Variants in FAM168B observed in about 807,000 individuals in gnomAD.
The protein encoded by FAM168B is myelin-associated neurite-outgrowth inhibitor.
In FAM168B, 19 loss-of-function variants were observed where a neutral mutation model predicts 21.8. The ratio of observed to expected loss-of-function variants is 0.87; its 90% confidence interval spans 0.61 to 1.28. The LOEUF (loss-of-function observed/expected upper bound fraction) is 1.28. Ranked by LOEUF, FAM168B falls within the 50% of genes most tolerant of loss-of-function variation. The pLI is 0.00. For missense variants in FAM168B, 233 were observed against 263.1 expected, an observed-to-expected ratio of 0.89 and a Z score of 0.79; for synonymous variants, 126 against 104.8, an observed-to-expected ratio of 1.20 and a Z score of -1.24.
rs1427799625 is a variant in FAM168B at position 131,093,416 on chromosome 2, G to C, written c.-214C>G. On this transcript the variant is annotated 5_prime_UTR_variant, in exon 1 of 7. Coordinates refer to ENST00000389915, the MANE Select transcript of FAM168B (RefSeq NM_001009993.4). ...GCTTGGCCCGGCCCGCCTCTCCGCA[G>C]CCCGCGCTCCCCGCCGACGCTGCGC... 6.6e-6 allele frequency: 1 copy of C among 151,102 alleles called. No individual in the cohort carries two copies. The highest frequency in any genetic ancestry group is 1.5e-5 in the Non-Finnish European group (1 of 67,692). 9.4% of individuals were successfully genotyped at this position (151,102 alleles called of 1,614,324 possible).
intron 3 of FAM168B, among the ~76,000 whole-genome samples, chr2:131,065,807 G>GAAAAAAA (rs796177546): frequency 6.3e-5 from 6 of 94,850 alleles, no homozygotes; most frequent in African/African-American, 1.1e-4. Flanking sequence ...AAGAAAAAAA[G>GAAAAAAA]AAAAAAAAAA....
intron 2 of FAM168B, among the ~76,000 whole-genome samples, chr2:131,080,522 G>A (rs1178845835): frequency 1.3e-5 from 2 of 151,442 alleles, no homozygotes; most frequent in African/African-American, 4.8e-5. Flanking sequence ...GGAGGCTGAG[G>A]CTGGAGAATC....
intron 5 of FAM168B, among the ~76,000 whole-genome samples, 172 bp downstream of exon 5, chr2:131,055,100 A>G (rs1250758338): frequency 1.3e-5 from 2 of 152,206 alleles, no homozygotes; most frequent in African/African-American, 4.8e-5. Flanking sequence ...GGGGTCACTC[A>G]GGTAGGCAAA....
intron 3 of FAM168B, among the ~76,000 whole-genome samples, chr2:131,068,338 T>A (rs1179592808): frequency 6.6e-6 from 1 of 152,152 alleles, no homozygotes; most frequent in Non-Finnish European, 1.5e-5. Context: ...TTTGTATTTT[T>A]AGTAGAGATG....
intron 2 of FAM168B, among the ~76,000 whole-genome samples, chr2:131,078,663 A>G (rs1192988184): frequency 2.6e-5 from 4 of 152,162 alleles, no homozygotes; most frequent in Non-Finnish European, 5.9e-5. Flanking sequence ...GTTGGGGGAA[A>G]TGTAGAGAAG....
At chr2:131,053,840 A>T (rs1250030475) in intron 5 of FAM168B, among the ~76,000 whole-genome samples, 1 of 152,182 alleles carries the variant, frequency 6.6e-6, no homozygotes, top group African/African-American at 2.4e-5. Flanking sequence ...GCACCACTGC[A>T]CTCAAGCCTG....
intron 5 of FAM168B, 43 bp from the exon 6 acceptor site, chr2:131,053,058 A>G: frequency 6.6e-7 from 1 of 1,509,278 alleles, no homozygotes. Flanking sequence ...GACCTCCTGC[A>G]CAGCTCCACA....
chr2:131,079,405 G>A (rs1173595039), intron 2 of FAM168B, among the ~76,000 whole-genome samples: 2 of 152,200 alleles, frequency 1.3e-5, no homozygotes, highest in Admixed American at 1.3e-4. Flanking sequence ...AACTTGGGAG[G>A]CAGATGTTGC....
Position 131,055,690 on chromosome 2 carries a change from T to C in FAM168B, c.160A>G (p.Thr54Ala). The C allele has an allele frequency of 1.2e-6, 2 of 1,612,470 alleles. No individual in the cohort carries two copies. The highest frequency in any genetic ancestry group is 1.7e-6 in the Non-Finnish European group (2 of 1,179,440). ...GANPTFQTGY[T>A]PGTPYKVSCS... ...GACACTTTGTAAGGTGTGCCAGGAG[T>C]GTAACCTGGAACAAAGAAGGCAATG... The change falls in exon 4 of 7, where the codon ACT becomes GCT. Residue 54 changes from threonine to alanine, a missense_variant. Physicochemically the swap from Thr to Ala is moderately conservative, Grantham distance 58. Transcript: ENST00000389915.
rs372971021 is a variant in FAM168B at position 131,056,726 on chromosome 2, A to T, written c.155-1031T>A. Among the ~76,000 whole-genome samples, 5 of 152,294 alleles carry T rather than the reference A, an allele frequency of 3.3e-5. No individual in the cohort carries two copies. The South Asian group carries it at 1.0e-3, about 32-fold the overall frequency. On this transcript the variant is annotated intron_variant, in intron 3 of 6. Transcript: ENST00000389915. ...AAACACACTGTGGTGCATCCATACAAATCCTACTGAGCAAGCCAAAGGGAC... is the reference window on the plus strand; with the variant it reads ...AAACACACTGTGGTGCATCCATACATATCCTACTGAGCAAGCCAAAGGGAC...
chr2:131,069,992 G>A (rs377002776), intron 3 of FAM168B, among the ~76,000 whole-genome samples: 35 of 151,704 alleles, frequency 2.3e-4, no homozygotes, highest in East Asian at 2.1e-3. Context: ...CCTAGTAGCC[G>A]GGATTACCGG....
intron 3 of FAM168B, among the ~76,000 whole-genome samples, chr2:131,067,798 G>C (rs1487092981): frequency 6.6e-6 from 1 of 152,066 alleles, no homozygotes. Flanking sequence ...AGCAGGAAGG[G>C]AGAAAAACTT....
chr2:131,083,694 A>G (rs532869277), intron 1 of FAM168B, among the ~76,000 whole-genome samples: 2 of 152,382 alleles, frequency 1.3e-5, no homozygotes, highest in South Asian at 2.1e-4. Context: ...AAGTGAAAAC[A>G]AAGTAGAGTA....
chr2:131,090,723 A>G (rs1693974469), intron 1 of FAM168B, among the ~76,000 whole-genome samples: 2 of 152,070 alleles, frequency 1.3e-5, no homozygotes, highest in African/African-American at 4.8e-5. Flanking sequence ...ATATATATGT[A>G]TAATATATAC....
intron 1 of FAM168B, among the ~76,000 whole-genome samples, chr2:131,084,755 A>G (rs899578042): frequency 6.6e-6 from 1 of 151,738 alleles, no homozygotes; most frequent in Non-Finnish European, 1.5e-5. Context: ...ATTTACTTTT[A>G]TTTATTTTTT....
At chr2:131,084,537 T>C (rs1000479071) in intron 1 of FAM168B, among the ~76,000 whole-genome samples, 2 of 151,966 alleles carry the variant, frequency 1.3e-5, no homozygotes, top group Non-Finnish European at 2.9e-5. Flanking sequence ...TTAAGTTTTT[T>C]TTCCTAAGAA....
rs571230972 is a variant in FAM168B, at chr2:131,067,435, C to T, written c.154+4420G>A. 3.9e-5 allele frequency among the ~76,000 whole-genome samples: 6 copies of T among 152,218 alleles called. No homozygotes were observed. The South Asian group carries it at 1.0e-3, about 26-fold the overall frequency. ...AAGTCAGCATTGGGTGCAAACTGAA[C>T]GGCAAGATCAAGAAAGCAGCAGGGG... On this transcript the variant is annotated intron_variant, in intron 3 of 6. Transcript: ENST00000389915.
Position 131,055,284 on chromosome 2 carries a change from C to A in FAM168B, c.463G>T (p.Ala155Ser). 1.9e-6 allele frequency: 3 copies of A among 1,573,382 alleles called. No homozygotes were observed. Among genetic ancestry groups the A allele is most frequent in the Non-Finnish European group, 2.6e-6 (3 of 1,164,766 alleles). The change falls in exon 5 of 7, where the codon GCC becomes TCC. Residue 155 changes from alanine to serine, a missense_variant. Coordinates refer to ENST00000389915, the MANE Select transcript of FAM168B (RefSeq NM_001009993.4). ...AACGAGGACTTACCTGCTGACATGG[C>A]CATGGTGGTCCCAGCCACCATGCCC... Reference protein sequence around the residue: ...TMGMVAGTTMAMSAGTLLTAH... With the variant: ...TMGMVAGTTMSMSAGTLLTAH...
intron 3 of FAM168B, among the ~76,000 whole-genome samples, chr2:131,059,618 T>A (rs1457163143): frequency 1.3e-5 from 2 of 152,172 alleles, no homozygotes; most frequent in Non-Finnish European, 2.9e-5. Flanking sequence ...AGAGCTACCC[T>A]CTGTGTGTCA....
Sources: gnomAD v4.1 joint callset for allele counts (sites outside exome capture counted in the v4.1 genomes callset) on GRCh38, gnomAD v4.1.1 for gene constraint, MANE v1.5 for transcripts, NCBI Gene and HGNC (gene_info 2026-07-23, HGNC 2026-07-21) for gene names.